TASP1: variants seen among roughly 807,000 people sequenced by gnomAD.
TASP1 encodes taspase 1.
In TASP1, 16 loss-of-function variants were observed where a neutral mutation model predicts 56.6. The ratio of observed to expected loss-of-function variants is 0.28; its 90% CI spans 0.19 to 0.43. TASP1 has a LOEUF of 0.43. TASP1 is among the 20% of genes least tolerant of loss of function. The pLI is 1.00. For missense variants in TASP1, 393 were observed against 511.6 expected (o/e 0.77, Z 2.24); for synonymous variants, 179 against 184.2 (o/e 0.97, Z 0.23).
intron 10 of TASP1, among the ~76,000 whole-genome samples, chr20:13,493,543 C>T (rs1461814922): frequency 6.6e-6 from 1 of 152,164 alleles, no homozygotes; most frequent in African/African-American, 2.4e-5. Flanking sequence ...CCTGCACTTA[C>T]ACCATTGGTT....
chr20:13,224,173 T>C, the TASP1 span, among the ~76,000 whole-genome samples: 1 of 152,166 alleles, frequency 6.6e-6, no homozygotes, highest in Non-Finnish European at 1.5e-5. Context: ...GGTGAGACTG[T>C]CCACTCAATG....
the TASP1 span, among the ~76,000 whole-genome samples, chr20:13,317,188 C>T: frequency 1.3e-5 from 2 of 151,746 alleles, no homozygotes; most frequent in East Asian, 1.9e-4. Flanking sequence ...TTTACATTAA[C>T]ACCTCAAAAT....
intron 4 of TASP1, among the ~76,000 whole-genome samples, chr20:13,592,951 T>C (rs1024783179): frequency 9.2e-5 from 14 of 152,038 alleles, no homozygotes; most frequent in African/African-American, 3.4e-4. Flanking sequence ...AAAAGAACAA[T>C]ACATTATAGC....
At chr20:13,131,888 A>G in the TASP1 span, among the ~76,000 whole-genome samples, 1 of 152,024 alleles carries the variant, frequency 6.6e-6, no homozygotes, top group Non-Finnish European at 1.5e-5. Context: ...TGTGGTCTTC[A>G]CAGCTTCTCA....
intron 13 of TASP1, among the ~76,000 whole-genome samples, chr20:13,401,865 T>C (rs1039520251): frequency 2.0e-5 from 3 of 152,220 alleles, no homozygotes; most frequent in African/African-American, 7.2e-5. Context: ...GGAAGATACA[T>C]ATTTATCTAA....
At chr20:13,415,887 G>A (rs1467607175) in intron 13 of TASP1, among the ~76,000 whole-genome samples, 2 of 152,140 alleles carry the variant, frequency 1.3e-5, no homozygotes, top group African/African-American at 4.8e-5. Context: ...TCAATATTAA[G>A]GGGACAGAGA....
chr20:13,421,558 G>A (rs1309603051), intron 12 of TASP1, among the ~76,000 whole-genome samples: 1 of 151,926 alleles, frequency 6.6e-6, no homozygotes, highest in Non-Finnish European at 1.5e-5. Flanking sequence ...TGAACAAAAG[G>A]GAATATGAAT....
At chr20:13,282,629 C>A in the TASP1 span, among the ~76,000 whole-genome samples, 3 of 152,190 alleles carry the variant, frequency 2.0e-5, no homozygotes, top group Non-Finnish European at 4.4e-5. Flanking sequence ...CATGGAGAAG[C>A]TCCATCCTGT....
the TASP1 span, among the ~76,000 whole-genome samples, chr20:13,147,759 G>A: frequency 7.2e-5 from 11 of 152,200 alleles, no homozygotes; most frequent in Non-Finnish European, 1.3e-4. Context: ...CTAGGAGCAT[G>A]TATGAGGTCA....
At chr20:13,259,240 C>G in the TASP1 span, among the ~76,000 whole-genome samples, 1 of 150,958 alleles carries the variant, frequency 6.6e-6, no homozygotes, top group Non-Finnish European at 1.5e-5. Flanking sequence ...GAGATCGTAC[C>G]ACTGCACTCC....
the TASP1 span, among the ~76,000 whole-genome samples, chr20:13,134,933 AT>A: frequency 6.6e-6 from 1 of 152,238 alleles, no homozygotes; most frequent in African/African-American, 2.4e-5. Context: ...TTCAGTCCCC[AT>A]GACCACTTTG....
At chr20:13,255,885 CCATT>C in the TASP1 span, among the ~76,000 whole-genome samples, 103 of 151,794 alleles carry the variant, frequency 6.8e-4, no homozygotes, top group Non-Finnish European at 1.2e-4. Context: ...CACCAACCAG[CCATT>C]CATTCATTCA....
intron 13 of TASP1, 23 bp from the exon 14 acceptor site, chr20:13,390,475 G>A: frequency 6.2e-7 from 1 of 1,607,858 alleles, no homozygotes; most frequent in Non-Finnish European, 8.5e-7. Flanking sequence ...AGAGACAGCA[G>A]AGCATCAGAG....
chr20:13,374,246 A>C, the TASP1 span, among the ~76,000 whole-genome samples: 1 of 152,110 alleles, frequency 6.6e-6, no homozygotes, highest in African/African-American at 2.4e-5. Context: ...TCTCTGAGGA[A>C]GTTTCTGTTG....
intron 10 of TASP1, among the ~76,000 whole-genome samples, chr20:13,504,894 G>T (rs1334143729): frequency 6.6e-6 from 1 of 151,442 alleles, no homozygotes; most frequent in Admixed American, 6.6e-5. Flanking sequence ...AAGAACAAAG[G>T]GTCTACAAAA....
chr20:13,153,663 C>A, the TASP1 span, among the ~76,000 whole-genome samples: 3 of 152,242 alleles, frequency 2.0e-5, no homozygotes, highest in Admixed American at 6.5e-5. Context: ...TTATCACACT[C>A]CCTTCTCTTG....
the TASP1 span, among the ~76,000 whole-genome samples, chr20:13,222,842 G>T: frequency 1.3e-5 from 2 of 152,186 alleles, no homozygotes; most frequent in South Asian, 4.1e-4. Flanking sequence ...GATTTTCCCA[G>T]GAGGCAGAGG....
At chr20:13,225,060 A>G in the TASP1 span, among the ~76,000 whole-genome samples, 6,371 of 147,602 alleles carry the variant, frequency 0.043, 151 homozygotes, top group Middle Eastern at 0.086. Context: ...TCACCGTGTT[A>G]GCCAGGATGG....
the TASP1 span, among the ~76,000 whole-genome samples, chr20:13,217,983 C>T: frequency 6.6e-6 from 1 of 152,118 alleles, no homozygotes; most frequent in African/African-American, 2.4e-5. Flanking sequence ...GGCACGTTGG[C>T]TCATGCCTGT....
Sources: gnomAD v4.1 joint callset for allele counts (sites outside exome capture counted in the v4.1 genomes callset) on GRCh38, gnomAD v4.1.1 for gene constraint, MANE v1.5 for transcripts, NCBI Gene and HGNC (gene_info 2026-07-23, HGNC 2026-07-21) for gene names.